The following SLC38A7 variants were observed in gnomAD, a reference collection of about 807,000 sequenced individuals.
SLC38A7 encodes solute carrier family 38 member 7, also known as sodium-coupled neutral amino acid transporter 7.
In SLC38A7, 29 loss-of-function variants were observed where a neutral mutation model predicts 50.1. That is an observed-to-expected ratio of 0.58 (90% CI 0.43 to 0.79). The LOEUF (loss-of-function observed/expected upper bound fraction) is 0.79, where lower values mean the gene tolerates loss of function less well. SLC38A7 is among the 30% of genes least tolerant of loss of function. The pLI is 0.00. For missense variants in SLC38A7, 483 were observed against 610.6 expected, an observed-to-expected ratio of 0.79 and a Z score of 2.20; for synonymous variants, 244 against 245.9, an observed-to-expected ratio of 0.99 and a Z score of 0.07.
In SLC38A7 at chr16:58,667,064, TTCTTATGAGATC is replaced by T. The variant is rs1192751782; in HGVS notation, c.*309_*320del. Reference sequence around the variant, plus strand: ...CCAGAGGGAAGTCAGACTGGATTCTTTCTTATGAGATCTACCGACTCTCTTCACCCGTGGATT... The same window carrying T: ...CCAGAGGGAAGTCAGACTGGATTCTTTACCGACTCTCTTCACCCGTGGATT... On this transcript the variant is annotated 3_prime_UTR_variant, in exon 12 of 12. Coordinates refer to ENST00000219320, the MANE Select transcript of SLC38A7 (RefSeq NM_018231.3). The T allele has an allele frequency of 4.7e-6, 2 of 428,580 alleles. No individual in the cohort carries two copies. The highest frequency in any genetic ancestry group is 8.3e-6 in the Non-Finnish European group (2 of 240,160). The allele number at this position is 428,580 out of a possible 1,614,324, so 26.5% of individuals were successfully genotyped here. A position where few individuals can be genotyped will look rare whatever the true frequency, so the allele number is the denominator to read the frequency against.
At chr16:58,679,322 G>A (rs2044336240) in intron 3 of SLC38A7, among the ~76,000 whole-genome samples, 2 of 152,134 alleles carry the variant, frequency 1.3e-5, no homozygotes, top group African/African-American at 4.8e-5. Context: ...AAACTGGGAG[G>A]CAGAGGCTGC....
Position 58,678,577 on chromosome 16 carries a change from C to A in SLC38A7, c.470-103G>T. The A allele has an allele frequency of 6.4e-7, 1 of 1,555,624 alleles. No homozygotes were observed. The highest frequency in any genetic ancestry group is 1.8e-4 in the Middle Eastern group (1 of 5,582). ...CCTCCCTCTGCCTGGAGGGAGGATT[C>A]CCAGATGAATGCTGGGCCCAGGTAA... On this transcript the variant is annotated intron_variant, in intron 4 of 11. Coordinates refer to ENST00000219320, the MANE Select transcript of SLC38A7 (RefSeq NM_018231.3). The surrounding 1 kb of genome is among the most constrained non-coding windows in gnomAD (Gnocchi z 4.0).
intron 10 of SLC38A7, 94 bp from the exon 11 acceptor site, chr16:58,670,261 G>A (rs2044134622): frequency 8.2e-7 from 1 of 1,213,672 alleles, no homozygotes; most frequent in South Asian, 1.3e-5. Context: ...GCTGGATGGA[G>A]AAAGGCCCAT....
intron 3 of SLC38A7, 166 bp downstream of exon 3, chr16:58,679,691 G>T: frequency 3.6e-6 from 3 of 844,280 alleles, no homozygotes; most frequent in Non-Finnish European, 5.3e-6. Context: ...AGCCTCATTT[G>T]GGTCACAGGA....
At position 58,680,713 on chromosome 16, in the gene SLC38A7, A is replaced by T. The variant is rs1407101610; in HGVS notation, c.-115-472T>A. Among the ~76,000 whole-genome samples the T allele has an allele frequency of 2.6e-5, 4 of 151,864 alleles. No individual in the cohort carries two copies. The East Asian group carries it at 7.7e-4, about 29-fold the overall frequency. On this transcript the variant is annotated intron_variant, in intron 2 of 11. Transcript: ENST00000219320. Reference sequence around the variant, plus strand: ...GTCCCAAAAGGACCCCTTACCAAGAACTGAGATTCAACATATTACAGTCCA... The same window carrying T: ...GTCCCAAAAGGACCCCTTACCAAGATCTGAGATTCAACATATTACAGTCCA...
At chr16:58,667,707 T>C (rs564320652) in intron 11 of SLC38A7, among the ~76,000 whole-genome samples, 1 of 152,176 alleles carries the variant, frequency 6.6e-6, no homozygotes, top group East Asian at 1.9e-4. Flanking sequence ...TAACTGATTG[T>C]TCACATCATG....
At position 58,678,821 on chromosome 16, in the gene SLC38A7, T is replaced by C; in HGVS notation, c.344A>G (p.Tyr115Cys). The C allele has an allele frequency of 1.9e-6, 3 of 1,614,218 alleles. No homozygotes were observed. The highest frequency in any genetic ancestry group is 2.5e-6 in the Non-Finnish European group (3 of 1,180,040). The part of the protein sequence containing the change: ...YCSQASNERT[Y>C]QEVVWAVCGK... ...ACACACAGCCCATACCACCTCCTGG[T>C]AGGTCCTCTCATTGCTGGCCTGGGA... The change falls in exon 4 of 12, where the codon TAC becomes TGC. Residue 115 changes from tyrosine to cysteine, a missense_variant. Tyr to Cys is a radical substitution (Grantham distance 194, BLOSUM62 -2). Coordinates refer to ENST00000219320, the MANE Select transcript of SLC38A7 (RefSeq NM_018231.3). The surrounding 1 kb of genome is among the most constrained non-coding windows in gnomAD (Gnocchi z 4.0).
At chr16:58,667,607 C>T (rs1488676215) in intron 11 of SLC38A7, 120 bp from the exon 12 acceptor site, 2 of 743,070 alleles carry the variant, frequency 2.7e-6, no homozygotes, top group African/African-American at 1.8e-5. Flanking sequence ...AGAGCACTTC[C>T]TACTTCCCAA....
At chr16:58,668,491 C>T (rs1363286825) in intron 11 of SLC38A7, among the ~76,000 whole-genome samples, 2 of 152,046 alleles carry the variant, frequency 1.3e-5, no homozygotes, top group Admixed American at 6.6e-5. Context: ...GAGCCGAGAT[C>T]ATGCCACTGC....
intron 2 of SLC38A7, among the ~76,000 whole-genome samples, chr16:58,682,434 A>T (rs2044411226): frequency 6.6e-6 from 1 of 151,914 alleles, no homozygotes. Context: ...ACAAAACTCC[A>T]TTTTAATCTC....
At chr16:58,671,591 TG>T (rs1294115370) in intron 9 of SLC38A7, 1 of 343,328 alleles carries the variant, frequency 2.9e-6, no homozygotes, top group Non-Finnish European at 5.4e-6. Flanking sequence ...AGACAGGGTC[TG>T]GCTCTCTCAC....
In SLC38A7 at chr16:58,676,346, C is replaced by G; in HGVS notation, c.711G>C (p.Arg237Ser). 1 of 1,614,166 alleles carries G rather than the reference C, an allele frequency of 6.2e-7. No individual in the cohort carries two copies. Among genetic ancestry groups the G allele is most frequent in the Non-Finnish European group, 8.5e-7 (1 of 1,180,040 alleles). ...TGAACACAGCCATCCAGGAAGCCGG[C>G]CTGTGAACAAACACACATGGTGCTG... is the stretch of plus-strand genomic sequence containing the variant. ...KEMTPGNILT[R>S]PASWMAVFNA... Residue 237 changes from arginine (R) to serine (S), a missense_variant and splice_region_variant, in exon 7 of 12, where the codon AGG (arginine) becomes AGC (serine). By Grantham distance (110) the Arg-to-Ser change is moderately radical (BLOSUM62 -1). Transcript: ENST00000219320.
At chr16:58,668,676 T>C (rs1451243116) in intron 11 of SLC38A7, among the ~76,000 whole-genome samples, 1 of 129,500 alleles carries the variant, frequency 7.7e-6, no homozygotes, top group Non-Finnish European at 1.6e-5. Context: ...GATCGCGCCA[T>C]TGCACTCCAG....
chr16:58,675,723 C>T (rs766263456), intron 8 of SLC38A7, among the ~76,000 whole-genome samples: 1 of 152,162 alleles, frequency 6.6e-6, no homozygotes, highest in Non-Finnish European at 1.5e-5. Flanking sequence ...CCTGGCACTT[C>T]CTAGGCACCA....
intron 2 of SLC38A7, among the ~76,000 whole-genome samples, chr16:58,682,048 G>A (rs1347148032): frequency 1.3e-5 from 2 of 152,050 alleles, no homozygotes; most frequent in African/African-American, 4.8e-5. Flanking sequence ...TCCCAGCTGT[G>A]CAGGAGGCTG....
In SLC38A7 at chr16:58,676,033, C is replaced by T. The variant is rs754254080; in HGVS notation, c.790G>A (p.Val264Ile). 16 of 1,613,270 alleles carry T rather than the reference C, an allele frequency of 9.9e-6. No individual in the cohort carries two copies. The highest frequency in any genetic ancestry group is 2.2e-5 in the South Asian group (2 of 90,968). The change falls in exon 8 of 12, where the codon GTC becomes ATC. Residue 264 changes from valine (V) to isoleucine (I), a missense_variant. By Grantham distance (29) the Val-to-Ile change is conservative (BLOSUM62 3). Transcript: ENST00000219320. ...TCAGGCTGCTGCATGCTGTTGAAGA[C>T]GGGCACACTGCTGACGTGGCACTGT... is the stretch of plus-strand genomic sequence containing the variant. ...GFQCHVSSVPVFNSMQQPEVK... is the reference protein window; with the variant it reads ...GFQCHVSSVPIFNSMQQPEVK...
chr16:58,672,294 G>A (rs1317909720), intron 8 of SLC38A7, 51 bp from the exon 9 acceptor site: 1 of 1,537,704 alleles, frequency 6.5e-7, no homozygotes. Flanking sequence ...GTAGTGGGGT[G>A]GACTGTCCAC....
rs2044305517 is a variant in SLC38A7 at position 58,678,020 on chromosome 16, G to A, written c.611+313C>T. Among the ~76,000 whole-genome samples the A allele has an allele frequency of 6.6e-6, 1 of 152,016 alleles. No homozygotes were observed. Among genetic ancestry groups the A allele is most frequent in the South Asian group, 2.1e-4 (1 of 4,826 alleles). ...CTCAAAGACCCAAATTCCTCCCAGG[G>A]AATGCCAGGAGGCTGCCTTCACCGC... On this transcript the variant is annotated intron_variant, in intron 5 of 11. Coordinates refer to ENST00000219320, the MANE Select transcript of SLC38A7 (RefSeq NM_018231.3). The surrounding 1 kb of genome is among the most constrained non-coding windows in gnomAD (Gnocchi z 4.0).
chr16:58,680,702 C>G (rs2044371679), intron 2 of SLC38A7, among the ~76,000 whole-genome samples: 1 of 152,136 alleles, frequency 6.6e-6, no homozygotes, highest in African/African-American at 2.4e-5. Context: ...CAAAAGGACC[C>G]CTTACCAAGA....
Sources: gnomAD v4.1 joint callset for allele counts (sites outside exome capture counted in the v4.1 genomes callset) on GRCh38, gnomAD v4.1.1 for gene constraint, Gnocchi (gnomAD v3.1) non-coding constraint, MANE v1.5 for transcripts, NCBI Gene and HGNC (gene_info 2026-07-23, HGNC 2026-07-21) for gene names.